Variants in UBE2Q2 observed in about 807,000 individuals in gnomAD.
UBE2Q2 encodes ubiquitin conjugating enzyme E2 Q2.
In UBE2Q2, 54 loss-of-function variants were observed where a neutral mutation model predicts 59.9. The ratio of observed to expected loss-of-function variants is 0.90; its 90% CI spans 0.72 to 1.13. The LOEUF is 1.13. Among genes scored for constraint, UBE2Q2 ranks in the 50% most tolerant of loss-of-function variants. The pLI, the probability that UBE2Q2 is intolerant of heterozygous loss-of-function variation, is 0.00. For synonymous variants in UBE2Q2, 165 were observed against 155.2 expected, an observed-to-expected ratio of 1.06 and a Z score of -0.47; for missense variants, 433 against 441.9, an observed-to-expected ratio of 0.98 and a Z score of 0.18.
Position 75,887,758 on chromosome 15 carries a change from C to T in UBE2Q2, c.885-2677C>T, listed in dbSNP as rs548282955. 2.0e-3 allele frequency among the ~76,000 whole-genome samples: 307 copies of T among 152,192 alleles called. 2 individuals are homozygous for T. Among genetic ancestry groups the T allele is most frequent in the South Asian group, 4.6e-3 (22 of 4,820 alleles). ...AGAGTGTGACAGTAGTTGAGGGCCA[C>T]GCTGTTGTCTTAGAGTGAAGTGAGG... On this transcript the variant is annotated intron_variant, in intron 9 of 12. Transcript: ENST00000267938.
chr15:75,899,256 CAG>C (rs777925388), intron 12 of UBE2Q2, among the ~76,000 whole-genome samples, 169 bp from the exon 13 acceptor site: 4 of 150,292 alleles, frequency 2.7e-5, no homozygotes, highest in East Asian at 1.9e-4. Context: ...GCCTAGGTAA[CAG>C]AGTGAAACTC....
chr15:75,884,037 C>A (rs775369352), intron 9 of UBE2Q2, among the ~76,000 whole-genome samples: 3 of 152,150 alleles, frequency 2.0e-5, no homozygotes, highest in Non-Finnish European at 4.4e-5. Flanking sequence ...ATGGAACTGG[C>A]TAATTACTCC....
At chr15:75,868,861 G>A (rs1567027124) in intron 3 of UBE2Q2, 90 bp from the exon 4 acceptor site, 2 of 1,100,526 alleles carry the variant, frequency 1.8e-6, no homozygotes, top group African/African-American at 1.6e-5. Context: ...AGTGACAGAT[G>A]TTTGAGAGTT....
At chr15:75,876,083 A>AG in intron 5 of UBE2Q2, 104 bp from the exon 6 acceptor site, 1 of 1,130,678 alleles carries the variant, frequency 8.8e-7, no homozygotes, top group South Asian at 1.6e-5. Context: ...AAAAAAAAAA[A>AG]TGTTGAGTGG....
chr15:75,896,415 T>C (rs1412373840), intron 11 of UBE2Q2, among the ~76,000 whole-genome samples: 2 of 152,174 alleles, frequency 1.3e-5, no homozygotes, highest in Non-Finnish European at 2.9e-5. Context: ...AGCGAAGATA[T>C]AGGTTGGTTG....
intron 4 of UBE2Q2, among the ~76,000 whole-genome samples, chr15:75,872,957 A>G (rs1351659842): frequency 2.0e-5 from 3 of 152,146 alleles, no homozygotes; most frequent in African/African-American, 7.2e-5. Context: ...ATATTTTGCT[A>G]TTTTGCACAT....
At chr15:75,892,696 C>CA (rs1899168202) in intron 11 of UBE2Q2, among the ~76,000 whole-genome samples, 1 of 151,772 alleles carries the variant, frequency 6.6e-6, no homozygotes, top group African/African-American at 2.4e-5. Flanking sequence ...CTCGTCTACA[C>CA]AAAAAATACG....
chr15:75,856,716 G>A (rs188563659), intron 2 of UBE2Q2, among the ~76,000 whole-genome samples: 1 of 152,310 alleles, frequency 6.6e-6, no homozygotes, highest in Non-Finnish European at 1.5e-5. Context: ...GGCCCAGGCA[G>A]GCGGATCAGT....
At chr15:75,898,921 T>C (rs1051062255) in intron 12 of UBE2Q2, among the ~76,000 whole-genome samples, 1 of 152,128 alleles carries the variant, frequency 6.6e-6, no homozygotes. Flanking sequence ...AACTTTCTGT[T>C]GTGAAATAGC....
intron 4 of UBE2Q2, among the ~76,000 whole-genome samples, chr15:75,871,129 C>T (rs1897762397): frequency 6.6e-6 from 1 of 152,216 alleles, no homozygotes; most frequent in African/African-American, 2.4e-5. Context: ...AAGGTCTTTG[C>T]ATCATAGACA....
chr15:75,849,524 A>G (rs1168525307), intron 1 of UBE2Q2, among the ~76,000 whole-genome samples: 2 of 152,330 alleles, frequency 1.3e-5, no homozygotes, highest in East Asian at 3.9e-4. Flanking sequence ...GTTACTTCTA[A>G]ATAAGACAAA....
At chr15:75,874,176 C>A (rs1449627643) in intron 5 of UBE2Q2, among the ~76,000 whole-genome samples, 4 of 152,132 alleles carry the variant, frequency 2.6e-5, no homozygotes, top group Admixed American at 2.0e-4. Context: ...TATTCAAATT[C>A]ATCCTCTCCG....
At chr15:75,876,144 T>G in intron 5 of UBE2Q2, 43 bp from the exon 6 acceptor site, 1 of 1,579,934 alleles carries the variant, frequency 6.3e-7, no homozygotes, top group Non-Finnish European at 8.6e-7. Context: ...ATCTTAAATC[T>G]TAGCTCAGCA....
In UBE2Q2 at chr15:75,876,213, T is replaced by C; in HGVS notation, c.615T>C (p.Ala205=). ...LNGAVSGSVQ[A]SDRLMKELRD... is the part of the protein sequence containing the mutation. ...GTGCAGTGTCTGGGTCAGTGCAAGC[T>C]TCAGATAGACTTATGAAAGAGCTCA... Residue 205 remains alanine (A), a synonymous_variant, in exon 6 of 13, where the codon GCT becomes GCC. Coordinates refer to ENST00000267938, the MANE Select transcript of UBE2Q2 (RefSeq NM_173469.4). 1 of 1,614,038 alleles carries C rather than the reference T, an allele frequency of 6.2e-7. No homozygotes were observed. The highest frequency in any genetic ancestry group is 8.5e-7 in the Non-Finnish European group (1 of 1,179,940).
chr15:75,845,070 C>T (rs536949680), intron 1 of UBE2Q2, among the ~76,000 whole-genome samples: 3 of 152,128 alleles, frequency 2.0e-5, no homozygotes, highest in Admixed American at 1.3e-4. Flanking sequence ...GTGAAGTCGT[C>T]CTCGCTCTCA....
chr15:75,849,480 T>C (rs1197387785), intron 1 of UBE2Q2, among the ~76,000 whole-genome samples: 4 of 152,206 alleles, frequency 2.6e-5, no homozygotes, highest in Admixed American at 2.6e-4. Flanking sequence ...CACAATGGTC[T>C]CAGTGGATTT....
intron 11 of UBE2Q2, among the ~76,000 whole-genome samples, chr15:75,896,362 G>T (rs72734546): frequency 0.31 from 47,146 of 151,870 alleles, 8,250 homozygotes; most frequent in South Asian, 0.54. Context: ...ATAGTGGATA[G>T]ATGGGTACCA....
At chr15:75,865,011 T>C (rs1326334046) in intron 3 of UBE2Q2, among the ~76,000 whole-genome samples, 1 of 152,234 alleles carries the variant, frequency 6.6e-6, no homozygotes, top group Non-Finnish European at 1.5e-5. Context: ...TTAAAACTTT[T>C]TATTGTGAGA....
At position 75,877,944 on chromosome 15, in the gene UBE2Q2, G is replaced by T. The variant is rs769112520; in HGVS notation, c.674-17G>T. On this transcript the variant is annotated splice_polypyrimidine_tract_variant and intron_variant, in intron 6 of 12. Transcript: ENST00000267938. ...TGATGAAATGAAGAGTAGCTAACAT[G>T]CTCTATATCTTAACAGGGATTTATT... The T allele has an allele frequency of 2.5e-6, 4 of 1,608,796 alleles. No homozygotes were observed. Among genetic ancestry groups the T allele is most frequent in the Middle Eastern group, 1.7e-4 (1 of 6,038 alleles).
Sources: gnomAD v4.1 joint callset for allele counts (sites outside exome capture counted in the v4.1 genomes callset) on GRCh38, gnomAD v4.1.1 for gene constraint, MANE v1.5 for transcripts, NCBI Gene and HGNC (gene_info 2026-07-23, HGNC 2026-07-21) for gene names.